The following DGKH variants were observed in gnomAD, a reference collection of about 807,000 sequenced individuals.
DGKH encodes the protein diacylglycerol kinase eta.
A neutral mutation model predicts 159.3 loss-of-function variants in DGKH; 90 were observed. The ratio of observed to expected loss-of-function variants is 0.57; its 90% CI spans 0.48 to 0.67. DGKH has a LOEUF of 0.67. DGKH is among the 30% of genes least tolerant of loss of function. DGKH has a pLI of 0.00. For missense variants in DGKH, 1,181 were observed against 1,506.1 expected (o/e 0.78, Z 3.57); for synonymous variants, 536 against 553.8 (o/e 0.97, Z 0.45).
chr13:42,099,018 G>T (rs1376750318), intron 1 of DGKH, among the ~76,000 whole-genome samples: 3 of 152,224 alleles, frequency 2.0e-5, no homozygotes, highest in Non-Finnish European at 2.9e-5. Context: ...CAGAGAGAGA[G>T]AAATCAGTGT....
At chr13:42,100,557 C>A (rs532064273) in intron 1 of DGKH, among the ~76,000 whole-genome samples, 2 of 152,136 alleles carry the variant, frequency 1.3e-5, no homozygotes. Context: ...ACTGGTGCCG[C>A]CATGGTAGCT....
intron 3 of DGKH, among the ~76,000 whole-genome samples, chr13:42,137,744 G>A (rs920668932): frequency 1.3e-4 from 20 of 152,124 alleles, no homozygotes; most frequent in Admixed American, 1.1e-3. Flanking sequence ...GAGAAATGTT[G>A]ACTAAAGAGC....
intron 16 of DGKH, among the ~76,000 whole-genome samples, chr13:42,193,674 A>G (rs1422899624): frequency 1.3e-5 from 2 of 152,194 alleles, no homozygotes; most frequent in African/African-American, 4.8e-5. Context: ...TGAACATCAA[A>G]AAGTTGTTTT....
intron 29 of DGKH, among the ~76,000 whole-genome samples, chr13:42,248,623 A>G (rs1958599306): frequency 6.8e-6 from 1 of 147,698 alleles, no homozygotes. Flanking sequence ...TACATAATAT[A>G]TATTATTTGT....
chr13:42,042,205 A>G (rs1880555633), intron 1 of DGKH, among the ~76,000 whole-genome samples: 2 of 152,164 alleles, frequency 1.3e-5, no homozygotes, highest in African/African-American at 2.4e-5. Flanking sequence ...AATACAATCC[A>G]GTTTTGAAGT....
intron 1 of DGKH, among the ~76,000 whole-genome samples, chr13:42,055,186 A>G (rs1188530541): frequency 2.0e-5 from 3 of 152,202 alleles, no homozygotes; most frequent in South Asian, 2.1e-4. Context: ...GGAAGGTAGT[A>G]TAGTTAGGTT....
chr13:42,184,725 A>G (rs1254188670), intron 13 of DGKH, among the ~76,000 whole-genome samples: 1 of 151,968 alleles, frequency 6.6e-6, no homozygotes, highest in Admixed American at 6.6e-5. Flanking sequence ...AAATTAGCTC[A>G]GCATGGTGAC....
At position 42,189,197 on chromosome 13, in the gene DGKH, G is replaced by C. The variant is rs768594691; in HGVS notation, c.1800G>C (p.Gly600=). ...ESLGESKEQL[G]DDVTKPSSQK... ...TGGGTGAAAGCAAAGAGCAGCTTGG[G>C]GATGACGTTACAAAACCTTCCTCCC... is the stretch of plus-strand genomic sequence containing the variant. The change falls in exon 15 of 30, where the codon GGG becomes GGC. Residue 600 remains glycine, a synonymous_variant. Transcript: ENST00000337343. The C allele has an allele frequency of 1.2e-6, 2 of 1,614,070 alleles. No individual in the cohort carries two copies. Among genetic ancestry groups the C allele is most frequent in the African/African-American group, 2.7e-5 (2 of 74,944 alleles).
intron 1 of DGKH, among the ~76,000 whole-genome samples, chr13:42,103,998 G>A (rs1162142583): frequency 2.0e-5 from 3 of 152,216 alleles, no homozygotes; most frequent in Non-Finnish European, 2.9e-5. Context: ...TGTCAGAAAT[G>A]CAGTGGCTCA....
intron 1 of DGKH, chr13:42,069,911 G>C (rs1882843448): frequency 1.4e-6 from 1 of 725,976 alleles, no homozygotes; most frequent in Admixed American, 2.3e-5. Flanking sequence ...GGATCGACTT[G>C]TACTTCTTCA....
chr13:42,136,510 T>C (rs1158338041), intron 3 of DGKH, among the ~76,000 whole-genome samples: 1 of 152,240 alleles, frequency 6.6e-6, no homozygotes, highest in African/African-American at 2.4e-5. Context: ...CTTTAAATTT[T>C]AATGAAGATT....
At chr13:42,154,620 A>T (rs963953873) in intron 3 of DGKH, among the ~76,000 whole-genome samples, 1 of 152,144 alleles carries the variant, frequency 6.6e-6, no homozygotes, top group African/African-American at 2.4e-5. Flanking sequence ...CTCTCGCTAA[A>T]TACTAGTACA....
intron 17 of DGKH, 104 bp downstream of exon 17, chr13:42,195,120 C>G (rs1957173299): frequency 1.4e-6 from 2 of 1,389,286 alleles, no homozygotes; most frequent in African/African-American, 1.5e-5. Flanking sequence ...GATAAATATT[C>G]TTTAGTAGAA....
At chr13:42,063,813 C>T (rs903035530) in intron 1 of DGKH, among the ~76,000 whole-genome samples, 13 of 152,038 alleles carry the variant, frequency 8.6e-5, no homozygotes, top group Admixed American at 8.5e-4. Flanking sequence ...TTGGCGCATG[C>T]ATGTAATCCC....
upstream of DGKH, among the ~76,000 whole-genome samples, chr13:42,048,444 G>A (rs1184396139): frequency 6.6e-6 from 1 of 151,804 alleles, no homozygotes; most frequent in Non-Finnish European, 1.5e-5. The surrounding 1 kb of genome is among the most constrained non-coding windows in gnomAD (Gnocchi z 6.7). Flanking sequence ...AAGAGATGTT[G>A]CTCCAAACCC....
At chr13:42,063,542 A>G (rs1466339248) in intron 1 of DGKH, among the ~76,000 whole-genome samples, 1 of 152,212 alleles carries the variant, frequency 6.6e-6, no homozygotes, top group Non-Finnish European at 1.5e-5. Flanking sequence ...TCTAAAACAA[A>G]CCCTTTAAAC....
Position 42,103,102 on chromosome 13 carries a change from A to T in DGKH, c.193-24361A>T, listed in dbSNP as rs912875. On this transcript the variant is annotated intron_variant, in intron 1 of 29. Transcript: ENST00000337343. ...GCCTCCCTTTCCAGAAGAAGTCTGC[A>T]GTCTGGGATCAGGAGATTGTTGTAT... 1.2e-3 allele frequency among the ~76,000 whole-genome samples: 185 copies of T among 152,076 alleles called. 1 individual carries two copies. Among genetic ancestry groups the T allele is most frequent in the African/African-American group, 4.3e-3 (179 of 41,470 alleles).
intron 1 of DGKH, among the ~76,000 whole-genome samples, chr13:42,101,786 A>G (rs1321857589): frequency 6.6e-6 from 1 of 151,804 alleles, no homozygotes; most frequent in African/African-American, 2.4e-5. Context: ...AGAGAGAGAG[A>G]GAGAGAGAAA....
At chr13:42,180,165 T>A (rs1414597801) in intron 13 of DGKH, among the ~76,000 whole-genome samples, 1 of 152,230 alleles carries the variant, frequency 6.6e-6, no homozygotes, top group Non-Finnish European at 1.5e-5. Context: ...TCAAAATACA[T>A]TTGATTCACA....
Sources: gnomAD v4.1 joint callset for allele counts (sites outside exome capture counted in the v4.1 genomes callset) on GRCh38, gnomAD v4.1.1 for gene constraint, Gnocchi (gnomAD v3.1) non-coding constraint, MANE v1.5 for transcripts, NCBI Gene and HGNC (gene_info 2026-07-23, HGNC 2026-07-21) for gene names.